BMS1: variants seen among roughly 807,000 people sequenced by gnomAD.
BMS1 encodes ribosome biogenesis protein BMS1 homolog.
In BMS1, 53 loss-of-function variants were observed where a neutral mutation model predicts 138.7. The observed-to-expected ratio is 0.38, with a 90% confidence interval of 0.31 to 0.48. The LOEUF (loss-of-function observed/expected upper bound fraction) is 0.48. Ranked by LOEUF, BMS1 falls within the 20% of genes least tolerant of loss-of-function variation. The pLI is 0.97. For missense variants in BMS1, 1,360 were observed against 1,565.5 expected, an observed-to-expected ratio of 0.87 and a Z score of 2.22; for synonymous variants, 504 against 539.9, an observed-to-expected ratio of 0.93 and a Z score of 0.92.
At position 42,788,338 on chromosome 10, in the gene BMS1, T is replaced by C. The variant is rs573235109; in HGVS notation, c.447+1091T>C. 2.2e-4 allele frequency among the ~76,000 whole-genome samples: 34 copies of C among 152,270 alleles called. No homozygotes were observed. The South Asian group carries it at 6.8e-3, about 31-fold the overall frequency. ...TTTTAAAGACATACATATTAAGAGA[T>C]ACCTTTACTTTTTTTTATTTTTAAT... On this transcript the variant is annotated intron_variant, in intron 4 of 22. Transcript: ENST00000374518.
At chr10:42,788,390 T>G (rs1841402947) in intron 4 of BMS1, among the ~76,000 whole-genome samples, 1 of 152,154 alleles carries the variant, frequency 6.6e-6, no homozygotes, top group African/African-American at 2.4e-5. Flanking sequence ...TAGTTATACA[T>G]ATTTATGGGG....
rs981690211 is a variant in BMS1, at chr10:42,833,909, A to C, written c.*2813A>C. The C allele has an allele frequency of 3.9e-5, 6 of 152,268 alleles. No homozygotes were observed. Among genetic ancestry groups the C allele is most frequent in the African/African-American group, 1.4e-4 (6 of 41,470 alleles). 9.4% of individuals were successfully genotyped at this position (152,268 alleles called of 1,614,324 possible). ...CCTTGTTGGCACTTGGAGTAGAGCC[A>C]CTGAGCTTCGTGCTGCATAAAATTG... On this transcript the variant is annotated 3_prime_UTR_variant, in exon 23 of 23. Coordinates refer to ENST00000374518, the MANE Select transcript of BMS1 (RefSeq NM_014753.4).
chr10:42,818,019 A>G (rs74993459), intron 15 of BMS1, among the ~76,000 whole-genome samples: 1 of 152,332 alleles, frequency 6.6e-6, no homozygotes, highest in Non-Finnish European at 1.5e-5. Context: ...CTGCCTGGGG[A>G]TGCTGAGCAG....
chr10:42,798,678 A>G, intron 12 of BMS1, 53 bp downstream of exon 12: 15 of 1,595,774 alleles, frequency 9.4e-6, no homozygotes, highest in Non-Finnish European at 1.3e-5. Flanking sequence ...ATTGTTCTAG[A>G]ATAAGATTAT....
Position 42,797,414 on chromosome 10 carries a change from CG to C in BMS1, c.1988-7del. 6.2e-7 allele frequency: 1 copy of C among 1,613,874 alleles called. No individual in the cohort carries two copies. The highest frequency in any genetic ancestry group is 1.1e-5 in the South Asian group (1 of 91,032). ...AGCCTAACTGGAGGTTGGCATTGGT[CG>C]TTTCAGGTGCCCTCAAGTGGAAGGA... On this transcript the variant is annotated splice_polypyrimidine_tract_variant and splice_region_variant and intron_variant, in intron 10 of 22. Transcript: ENST00000374518.
At position 42,800,754 on chromosome 10, in the gene BMS1, C is replaced by T. The variant is rs543214461; in HGVS notation, c.2248-1383C>T. Among the ~76,000 whole-genome samples, 7 of 152,244 alleles carry T rather than the reference C, an allele frequency of 4.6e-5. 1 individual carries two copies. The highest frequency in any genetic ancestry group is 1.4e-4 in the African/African-American group (6 of 41,550). On this transcript the variant is annotated intron_variant, in intron 12 of 22. Transcript: ENST00000374518. ...ACGTTGGTCAGGCTGGTCTCGAACT[C>T]CTGACCTCCTGAGCCACGTGCCTCG...
chr10:42,793,694 C>T (rs1261052386), intron 8 of BMS1, among the ~76,000 whole-genome samples, 158 bp from the exon 9 acceptor site: 6 of 152,186 alleles, frequency 3.9e-5, no homozygotes, highest in Non-Finnish European at 5.9e-5. Flanking sequence ...GGATCCATTT[C>T]AAGCTTTGTT....
In BMS1 at chr10:42,796,566, ATAGTGATG is replaced by A. The variant is rs755475929; in HGVS notation, c.1323_1330del (p.Asp441GlufsTer2). On this transcript the variant is annotated frameshift_variant, in exon 10 of 23. Transcript: ENST00000374518. LOFTEE classifies it high-confidence loss of function. ...TTCGGAGATGAAGATGAATCTGGAG[ATAGTGATG>A]ATGAAGAAGATGATGAAATGTCTGA... 1 of 1,614,152 alleles carries A rather than the reference ATAGTGATG, an allele frequency of 6.2e-7. No individual in the cohort carries two copies. The highest frequency in any genetic ancestry group is 1.7e-5 in the Admixed American group (1 of 60,024).
intron 4 of BMS1, among the ~76,000 whole-genome samples, chr10:42,788,817 G>A (rs1375816437): frequency 6.6e-6 from 1 of 152,208 alleles, no homozygotes; most frequent in African/African-American, 2.4e-5. Flanking sequence ...GATCCCTGCA[G>A]AGCAGTATCC....
At chr10:42,807,666 T>C (rs1564421623) in intron 13 of BMS1, among the ~76,000 whole-genome samples, 1 of 152,142 alleles carries the variant, frequency 6.6e-6, no homozygotes, top group Non-Finnish European at 1.5e-5. Context: ...GTTTGTTTGT[T>C]TTGTAGAGAC....
intron 18 of BMS1, 32 bp downstream of exon 18, chr10:42,821,024 T>A (rs1024484418): frequency 1.3e-6 from 2 of 1,489,062 alleles, no homozygotes; most frequent in African/African-American, 2.8e-5. Context: ...TTTTACAGAT[T>A]GGTTTGAGAA....
intron 13 of BMS1, among the ~76,000 whole-genome samples, chr10:42,808,037 A>C (rs950297445): frequency 1.1e-4 from 16 of 152,196 alleles, no homozygotes; most frequent in African/African-American, 3.9e-4. Context: ...CCCAGTGGCT[A>C]ATAATGGTGA....
At chr10:42,786,368 T>C (rs1026626891) in intron 3 of BMS1, among the ~76,000 whole-genome samples, 3 of 152,178 alleles carry the variant, frequency 2.0e-5, no homozygotes, top group African/African-American at 7.2e-5. Context: ...TCTCTTGTTA[T>C]TGCAATAATA....
chr10:42,829,729 G>T (rs1588764826), intron 21 of BMS1, among the ~76,000 whole-genome samples: 1 of 151,702 alleles, frequency 6.6e-6, no homozygotes, highest in Admixed American at 6.6e-5. Flanking sequence ...GGCTGAGACA[G>T]GAGAATTGCT....
intron 4 of BMS1, among the ~76,000 whole-genome samples, chr10:42,789,667 CAT>C (rs1753165792): frequency 1.3e-5 from 2 of 151,714 alleles, no homozygotes. Context: ...TCCAAATTAA[CAT>C]ATAAGATAGA....
chr10:42,828,109 C>T lies in BMS1; in HGVS notation c.3457-2152C>T, dbSNP rs111893539. On this transcript the variant is annotated intron_variant, in intron 21 of 22. Transcript: ENST00000374518. Reference sequence around the variant, plus strand: ...CACGCCCTGGACCAAGCAGTAGCCTCGCCCTGTGGCCTCTCCCAGGCACTG... The same window carrying T: ...CACGCCCTGGACCAAGCAGTAGCCTTGCCCTGTGGCCTCTCCCAGGCACTG... Among the ~76,000 whole-genome samples the T allele has an allele frequency of 5.7e-3, 869 of 152,336 alleles. 10 individuals carry two copies. Among genetic ancestry groups the T allele is most frequent in the African/African-American group, 0.019 (797 of 41,568 alleles).
intron 3 of BMS1, among the ~76,000 whole-genome samples, chr10:42,786,183 G>A (rs971480333): frequency 3.3e-5 from 5 of 152,200 alleles, no homozygotes; most frequent in African/African-American, 4.8e-5. Context: ...CAGATAGCAC[G>A]CACCTCCTAT....
rs183020555 is a variant in BMS1, at chr10:42,831,136, T to C, written c.*40T>C. The stretch of plus-strand genomic sequence containing the variant: ...GGGACTGTCCCTGGATCTGCGGAGG[T>C]AGACAGTTTCAAACATCACAGTTTG... On this transcript the variant is annotated 3_prime_UTR_variant, in exon 23 of 23. Coordinates refer to ENST00000374518, the MANE Select transcript of BMS1 (RefSeq NM_014753.4). 1.3e-6 allele frequency: 2 copies of C among 1,527,550 alleles called. No homozygotes were observed. Among genetic ancestry groups the C allele is most frequent in the African/African-American group, 2.8e-5 (2 of 72,050 alleles). 94.6% of individuals were successfully genotyped at this position (1,527,550 alleles called of 1,614,324 possible).
chr10:42,790,336 T>C lies in BMS1; in HGVS notation c.461T>C (p.Ile154Thr), dbSNP rs1286339358. 3.1e-6 allele frequency: 5 copies of C among 1,613,868 alleles called. No homozygotes were observed. The highest frequency in any genetic ancestry group is 1.3e-5 in the African/African-American group (1 of 75,040). ...TTCTGCTTTTAGGTACTGATGCTTA[T>C]AGATGCCAGCTTTGGGTTTGAAATG... is the stretch of plus-strand genomic sequence containing the variant. Reference protein sequence around the residue: ...AKVADLVLMLIDASFGFEMET... With the variant: ...AKVADLVLMLTDASFGFEMET... The change falls in exon 5 of 23, where the codon ATA becomes ACA. Residue 154 changes from isoleucine (I) to threonine (T), a missense_variant. By Grantham distance (89) the Ile-to-Thr change is moderately conservative (BLOSUM62 -1). This residue lies in a region of BMS1 where 238 missense variants were observed against 311.1 expected (regional missense o/e 0.77). Transcript: ENST00000374518.
Sources: gnomAD v4.1 joint callset for allele counts (sites outside exome capture counted in the v4.1 genomes callset) on GRCh38, gnomAD v4.1.1 for gene constraint, gnomAD v4.1.1 regional missense constraint, MANE v1.5 for transcripts, NCBI Gene and HGNC (gene_info 2026-07-23, HGNC 2026-07-21) for gene names.